The following SASH1 variants were observed in gnomAD, a reference collection of about 807,000 sequenced individuals.
SASH1 encodes SAM and SH3 domain containing 1.
Under a neutral mutation model 125.2 loss-of-function variants are expected in SASH1, and 44 were observed. The observed-to-expected ratio is 0.35, with a 90% CI of 0.28 to 0.45. SASH1 has a LOEUF of 0.45. Among genes scored for constraint, SASH1 ranks in the 20% least tolerant of loss-of-function variants. SASH1 has a pLI of 1.00. For synonymous variants in SASH1, 639 were observed against 649.1 expected, an observed-to-expected ratio of 0.98 and a Z score of 0.24; for missense variants, 1,426 against 1,614.5, an observed-to-expected ratio of 0.88 and a Z score of 2.00.
chr6:148,412,153 T>G (rs944333284), intron 2 of SASH1, among the ~76,000 whole-genome samples: 9 of 152,222 alleles, frequency 5.9e-5, no homozygotes, highest in African/African-American at 2.2e-4. Context: ...TCCATTTTTT[T>G]GCAAATCAGA....
intron 8 of SASH1, among the ~76,000 whole-genome samples, chr6:148,497,740 A>G (rs562007873): frequency 6.6e-6 from 1 of 152,370 alleles, no homozygotes; most frequent in South Asian, 2.1e-4. Flanking sequence ...ACTTGGTTAC[A>G]CTTTTACCAA....
intron 1 of SASH1, among the ~76,000 whole-genome samples, chr6:148,366,528 C>G (rs534102620): frequency 2.5e-4 from 38 of 152,246 alleles, no homozygotes; most frequent in Non-Finnish European, 5.0e-4. Flanking sequence ...ATAAGCTCGG[C>G]AAGCATTTAG....
the SASH1 span, among the ~76,000 whole-genome samples, chr6:148,250,343 A>G: frequency 6.6e-6 from 1 of 152,202 alleles, no homozygotes; most frequent in Admixed American, 6.5e-5. Flanking sequence ...TTTGCTCTGC[A>G]ACCTCCAGTT....
chr6:148,366,183 C>G (rs1256017041), intron 1 of SASH1, among the ~76,000 whole-genome samples: 1 of 151,962 alleles, frequency 6.6e-6, no homozygotes, highest in Non-Finnish European at 1.5e-5. Flanking sequence ...ACTTGGAGGG[C>G]TGAGGTGGGA....
At chr6:148,512,321 T>A (rs1033305957) in intron 8 of SASH1, among the ~76,000 whole-genome samples, 8 of 152,368 alleles carry the variant, frequency 5.3e-5, no homozygotes, top group African/African-American at 1.4e-4. Flanking sequence ...ATTAGAGACA[T>A]ATTCTAGGTT....
rs56950339 is a variant in SASH1, at chr6:148,324,118, C to CAAAAAAAAAAAAAA, written n.74+51746_74+51759dup. On this transcript the variant is annotated intron_variant and non_coding_transcript_variant, in intron 1 of 3. Transcript: ENST00000367469. ...GTGGTGACAGAGCAAGAATCTGTCTCAAAAAAAAAAAAAAAAAACAAGCAT... is the reference window on the plus strand; with the variant it reads ...GTGGTGACAGAGCAAGAATCTGTCTCAAAAAAAAAAAAAAAAAAAAAAAAAAAAAAAACAAGCAT... 5.7e-4 allele frequency among the ~76,000 whole-genome samples: 34 copies of CAAAAAAAAAAAAAA among 59,430 alleles called. 3 individuals are homozygous for CAAAAAAAAAAAAAA. The highest frequency in any genetic ancestry group is 1.3e-3 in the East Asian group (2 of 1,496). The allele number at this position is 59,430 out of a possible 152,430, so 39.0% of individuals were successfully genotyped here.
intron 11 of SASH1, among the ~76,000 whole-genome samples, chr6:148,525,812 G>C (rs949857556): frequency 4.6e-5 from 7 of 152,234 alleles, no homozygotes; most frequent in South Asian, 2.1e-4. Context: ...CCCAGTACCT[G>C]GCCCCACATG....
At chr6:148,421,334 C>T (rs988786867) in intron 2 of SASH1, among the ~76,000 whole-genome samples, 4 of 152,296 alleles carry the variant, frequency 2.6e-5, no homozygotes, top group Non-Finnish European at 4.4e-5. Context: ...GACAGAGTCT[C>T]GCTCTGTTAC....
intron 16 of SASH1, among the ~76,000 whole-genome samples, chr6:148,539,401 T>C (rs1170930682): frequency 6.6e-6 from 1 of 152,150 alleles, no homozygotes; most frequent in Non-Finnish European, 1.5e-5. Context: ...TATCACTTTG[T>C]ATGCCTTTAT....
At chr6:148,530,274 TATATC>T (rs1388094347) in intron 12 of SASH1, among the ~76,000 whole-genome samples, 1 of 152,204 alleles carries the variant, frequency 6.6e-6, no homozygotes, top group Non-Finnish European at 1.5e-5. Context: ...CATTTGAAAA[TATATC>T]AGAGACCCAC....
chr6:148,222,676 T>C, the SASH1 span, among the ~76,000 whole-genome samples: 1 of 152,174 alleles, frequency 6.6e-6, no homozygotes, highest in Non-Finnish European at 1.5e-5. Flanking sequence ...CATAAGGAAA[T>C]GTTGAATAAT....
intron 1 of SASH1, among the ~76,000 whole-genome samples, chr6:148,366,760 C>T (rs545419355): frequency 8.6e-5 from 13 of 151,780 alleles, no homozygotes; most frequent in African/African-American, 3.1e-4. Context: ...ACCAAGCCCG[C>T]GTAATTTTTG....
chr6:148,540,632 G>T (rs776245696), intron 17 of SASH1, 76 bp downstream of exon 17: 2 of 1,076,428 alleles, frequency 1.9e-6, no homozygotes, highest in African/African-American at 1.6e-5. Flanking sequence ...GCAAAAGGAC[G>T]ATTCTATTCC....
At chr6:148,242,368 G>T in the SASH1 span, among the ~76,000 whole-genome samples, 2 of 152,132 alleles carry the variant, frequency 1.3e-5, no homozygotes, top group Non-Finnish European at 2.9e-5. Context: ...TCTTGGCAAG[G>T]CACTTTACGA....
At chr6:148,257,965 G>C in the SASH1 span, among the ~76,000 whole-genome samples, 28 of 152,280 alleles carry the variant, frequency 1.8e-4, no homozygotes, top group East Asian at 3.9e-3. Context: ...TAGTCTTTAA[G>C]ATCCTGGAAG....
At chr6:148,347,195 C>CA (rs1202836481) in intron 1 of SASH1, among the ~76,000 whole-genome samples, 2 of 152,102 alleles carry the variant, frequency 1.3e-5, no homozygotes, top group Non-Finnish European at 2.9e-5. Flanking sequence ...ACTTCTAAGG[C>CA]AAAGCCTTAG....
chr6:148,527,393 T>A, intron 11 of SASH1, 60 bp from the exon 12 acceptor site: 1 of 1,467,824 alleles, frequency 6.8e-7, no homozygotes, highest in Non-Finnish European at 9.1e-7. Flanking sequence ...ATGGTTTAAA[T>A]AATAAAACCT....
At chr6:148,199,966 C>A in the SASH1 span, among the ~76,000 whole-genome samples, 1 of 152,098 alleles carries the variant, frequency 6.6e-6, no homozygotes, top group Non-Finnish European at 1.5e-5. Flanking sequence ...GAATAGGTCA[C>A]CCTGAGAGCC....
intron 1 of SASH1, among the ~76,000 whole-genome samples, chr6:148,314,850 G>C (rs1260095274): frequency 6.6e-6 from 1 of 150,892 alleles, no homozygotes; most frequent in Non-Finnish European, 1.5e-5. Context: ...TCTGCCTCCT[G>C]GGTTCAAGTG....
Sources: allele counts gnomAD v4.1 joint callset (sites outside exome capture counted in the v4.1 genomes callset), GRCh38; gene constraint gnomAD v4.1.1; transcripts MANE v1.5; gene names NCBI Gene and HGNC (gene_info 2026-07-23, HGNC 2026-07-21).